The following CLASRP variants were observed in gnomAD, a reference collection of about 807,000 sequenced individuals.
CLASRP encodes the protein CLK4-associating serine/arginine rich protein.
A neutral mutation model predicts 99.9 loss-of-function variants in CLASRP; 52 were observed. The observed-to-expected ratio is 0.52, with a 90% CI of 0.42 to 0.66. The LOEUF (loss-of-function observed/expected upper bound fraction) is 0.66. Ranked by LOEUF, CLASRP falls within the 30% of genes least tolerant of loss-of-function variation. The pLI, the probability that CLASRP is intolerant of heterozygous loss-of-function variation, is 0.00. For synonymous variants in CLASRP, 379 were observed against 373.0 expected (o/e 1.02, Z -0.18); for missense variants, 848 against 999.2 (o/e 0.85, Z 2.04).
At chr19:45,059,168 T>C in intron 7 of CLASRP, 100 bp from the exon 8 acceptor site, 1 of 932,526 alleles carries the variant, frequency 1.1e-6, no homozygotes, top group Admixed American at 2.0e-5. Context: ...AATCCCTCAG[T>C]CTGGCGGGCG....
intron 11 of CLASRP, among the ~76,000 whole-genome samples, chr19:45,063,739 C>T (rs913890192): frequency 2.0e-5 from 3 of 152,028 alleles, no homozygotes; most frequent in African/African-American, 4.8e-5. Context: ...TGTGAGCCAC[C>T]GCGCCCGGCC....
rs750603149 is a variant in CLASRP, at chr19:45,067,377, C to G, written c.1450C>G (p.Arg484Gly). Residue 484 changes from arginine (R) to glycine (G), a missense_variant, in exon 14 of 21, where the codon CGG becomes GGG. Arg to Gly is a moderately radical substitution (Grantham distance 125). Transcript: ENST00000221455. This position sits in a 1 kb window ranked among gnomAD's most constrained non-coding sequence, Gnocchi z 4.9. ...AGGGGACCGCTACAGGCGGGGCGGCCGGGGCCTCAGGCACCACAGCAGTAG... is the reference window on the plus strand; with the variant it reads ...AGGGGACCGCTACAGGCGGGGCGGCGGGGGCCTCAGGCACCACAGCAGTAG... Reference protein sequence around the residue: ...HSGDRYRRGGRGLRHHSSSRS... With the variant: ...HSGDRYRRGGGGLRHHSSSRS... 1.2e-4 allele frequency: 178 copies of G among 1,530,322 alleles called. No homozygotes were observed. In the South Asian group the frequency reaches 1.8e-3, roughly 16 times the overall value. The allele number at this position is 1,530,322 out of a possible 1,614,324, so 94.8% of individuals were successfully genotyped here. A position where few individuals can be genotyped will look rare whatever the true frequency, so the allele number is the denominator to read the frequency against.
rs756651908 is a variant in CLASRP, at chr19:45,060,343, T to C, written c.711-46T>C. ...GACTCAGTCTGTGTCCTCCTTACCC[T>C]GTGGCCTGCCCCATCCTCCACCCTA... On this transcript the variant is annotated intron_variant, in intron 8 of 20. Coordinates refer to ENST00000221455, the MANE Select transcript of CLASRP (RefSeq NM_007056.3). The surrounding 1 kb of genome is among the most constrained non-coding windows in gnomAD (Gnocchi z 4.6). The C allele has an allele frequency of 6.4e-7, 1 of 1,560,634 alleles. No individual in the cohort carries two copies. The highest frequency in any genetic ancestry group is 1.1e-5 in the South Asian group (1 of 89,948).
rs1229058303 is a variant in CLASRP at position 45,040,325 on chromosome 19, C to G, written c.99+14C>G. On this transcript the variant is annotated intron_variant, in intron 2 of 20. Coordinates refer to ENST00000221455, the MANE Select transcript of CLASRP (RefSeq NM_007056.3). ...TATGAAAAGATCGTGAGTAACTGGCCTTTTGTCTGGGGTGAGGGACCCTGG... is the reference window on the plus strand; with the variant it reads ...TATGAAAAGATCGTGAGTAACTGGCGTTTTGTCTGGGGTGAGGGACCCTGG... 6 of 1,589,474 alleles carry G rather than the reference C, an allele frequency of 3.8e-6. No individual in the cohort carries two copies. The Admixed American group carries it at 8.9e-5, about 24-fold the overall frequency.
At chr19:45,052,647 G>A in intron 3 of CLASRP, 144 bp from the exon 4 acceptor site, 2 of 629,338 alleles carry the variant, frequency 3.2e-6, no homozygotes, top group South Asian at 3.7e-5. Flanking sequence ...TGAGAGCTGG[G>A]GGTTGAGGTG....
intron 11 of CLASRP, 116 bp from the exon 12 acceptor site, chr19:45,063,896 C>T: frequency 7.0e-7 from 1 of 1,434,056 alleles, no homozygotes; most frequent in Non-Finnish European, 9.2e-7. Context: ...ATCCACCCGC[C>T]TGGTTTCCCG....
intron 19 of CLASRP, among the ~76,000 whole-genome samples, chr19:45,070,320 C>G (rs1282226151): frequency 1.3e-5 from 2 of 152,134 alleles, no homozygotes; most frequent in African/African-American, 2.4e-5. Context: ...CACACACACA[C>G]AGATTGCTTT....
In CLASRP at chr19:45,070,871, CAAGGGGGTGGGT is replaced by C; in HGVS notation, c.*33_*44del. On this transcript the variant is annotated 3_prime_UTR_variant, in exon 21 of 21. Coordinates refer to ENST00000221455, the MANE Select transcript of CLASRP (RefSeq NM_007056.3). ...GCAGAAGAGTGGGGGGTGGGGAGGA[CAAGGGGGTGGGT>C]AAGGGGCTCAAGCTGTGATGCTGCT... 1 of 932,940 alleles carries C rather than the reference CAAGGGGGTGGGT, an allele frequency of 1.1e-6. No individual in the cohort carries two copies. Among genetic ancestry groups the C allele is most frequent in the Non-Finnish European group, 1.7e-6 (1 of 599,598 alleles). 57.8% of individuals were successfully genotyped at this position (932,940 alleles called of 1,614,324 possible).
Position 45,069,140 on chromosome 19 carries a change from G to A in CLASRP, c.1827+16G>A, listed in dbSNP as rs771703180. ...TGAGCGGCAGGTGAAGTGGGAAAGGGAGGGCTGGGGTGACGGGTGGGTGCT... is the reference window on the plus strand; with the variant it reads ...TGAGCGGCAGGTGAAGTGGGAAAGGAAGGGCTGGGGTGACGGGTGGGTGCT... On this transcript the variant is annotated intron_variant, in intron 17 of 20. Coordinates refer to ENST00000221455, the MANE Select transcript of CLASRP (RefSeq NM_007056.3). 2 of 1,614,140 alleles carry A rather than the reference G, an allele frequency of 1.2e-6. No homozygotes were observed. The highest frequency in any genetic ancestry group is 1.7e-6 in the Non-Finnish European group (2 of 1,179,974).
intron 2 of CLASRP, among the ~76,000 whole-genome samples, chr19:45,041,373 C>T (rs892155053): frequency 2.0e-5 from 3 of 152,160 alleles, no homozygotes; most frequent in South Asian, 2.1e-4. Context: ...TGTGGTCTGA[C>T]CACTCAGCTT....
intron 15 of CLASRP, 111 bp from the exon 16 acceptor site, chr19:45,068,309 T>TGTGCCCC: frequency 1.1e-5 from 7 of 651,094 alleles, no homozygotes; most frequent in South Asian, 1.7e-5. Flanking sequence ...CCCACGTCGT[T>TGTGCCCC]CTCCCCCCCC....
At chr19:45,045,243 C>T (rs1322643973) in intron 2 of CLASRP, among the ~76,000 whole-genome samples, 4 of 152,172 alleles carry the variant, frequency 2.6e-5, no homozygotes. Flanking sequence ...AGGCCAGGTG[C>T]AGTGGCTCAC....
At chr19:45,068,311 T>TGCC in intron 15 of CLASRP, 109 bp from the exon 16 acceptor site, 17 of 543,530 alleles carry the variant, frequency 3.1e-5, no homozygotes, top group Non-Finnish European at 4.3e-5. Context: ...CACGTCGTTC[T>TGCC]CCCCCCCCCA....
chr19:45,051,032 A>T (rs61458966), intron 2 of CLASRP, among the ~76,000 whole-genome samples: 1 of 151,838 alleles, frequency 6.6e-6, no homozygotes, highest in Non-Finnish European at 1.5e-5. Context: ...TGCTTGTTAC[A>T]GTCTGTCCTT....
chr19:45,062,960 T>TA (rs1303489802), intron 11 of CLASRP, among the ~76,000 whole-genome samples: 1 of 152,058 alleles, frequency 6.6e-6, no homozygotes, highest in African/African-American at 2.4e-5. Flanking sequence ...CCAAGCTCCA[T>TA]AGCTCTCTGA....
chr19:45,040,131 G>GC, intron 1 of CLASRP, 53 bp from the exon 2 acceptor site: 1 of 950,742 alleles, frequency 1.1e-6, no homozygotes, highest in Admixed American at 2.2e-5. Flanking sequence ...CTTTGATTCT[G>GC]CCCATACGGG....
intron 2 of CLASRP, among the ~76,000 whole-genome samples, chr19:45,047,948 G>A (rs1347911804): frequency 6.6e-6 from 1 of 150,580 alleles, no homozygotes; most frequent in South Asian, 2.1e-4. Flanking sequence ...AGCCAGGCAG[G>A]TTGGTGCATG....
intron 5 of CLASRP, among the ~76,000 whole-genome samples, chr19:45,055,649 T>C (rs1343383661): frequency 1.3e-5 from 2 of 151,888 alleles, no homozygotes; most frequent in Non-Finnish European, 2.9e-5. Flanking sequence ...GCCTGACCAA[T>C]ATGGAGAAAC....
chr19:45,069,378 C>A, intron 18 of CLASRP, 130 bp downstream of exon 18: 2 of 919,698 alleles, frequency 2.2e-6, no homozygotes, highest in Non-Finnish European at 3.4e-6. Context: ...CCTGCCTGGC[C>A]CTCGGGGCTG....
Sources: gnomAD v4.1 joint callset for allele counts (sites outside exome capture counted in the v4.1 genomes callset) on GRCh38, gnomAD v4.1.1 for gene constraint, Gnocchi (gnomAD v3.1) non-coding constraint, MANE v1.5 for transcripts, NCBI Gene and HGNC (gene_info 2026-07-23, HGNC 2026-07-21) for gene names.